The following SYT1 variants were observed in gnomAD, a reference collection of about 807,000 sequenced individuals.
SYT1 encodes the protein synaptotagmin-1.
SYT1 carries 8 observed loss-of-function variants against 44.8 expected under a neutral mutation model. That is an observed-to-expected ratio of 0.18 (90% CI 0.10 to 0.32). SYT1 has a LOEUF of 0.32. Among genes scored for constraint, SYT1 ranks in the 10% least tolerant of loss-of-function variants. SYT1 has a pLI of 1.00. For synonymous variants in SYT1, 154 were observed against 188.8 expected (o/e 0.82, Z 1.51); for missense variants, 286 against 509.3 (o/e 0.56, Z 4.22).
At chr12:79,027,980 G>A (rs945431073) in intron 2 of SYT1, among the ~76,000 whole-genome samples, 1 of 151,302 alleles carries the variant, frequency 6.6e-6, no homozygotes, top group African/African-American at 2.4e-5. Context: ...TCTTTATGCA[G>A]TCATATTATG....
In SYT1 at chr12:79,036,356, A is replaced by G. The variant is rs568348271; in HGVS notation, c.-83-10941A>G. 4 of 151,974 alleles carry G rather than the reference A, an allele frequency of 2.6e-5. No homozygotes were observed. In the East Asian group the frequency reaches 7.8e-4, roughly 30 times the overall value. The allele number at this position is 151,974 out of a possible 1,614,324, so 9.4% of individuals were successfully genotyped here. A position where few individuals can be genotyped will look rare whatever the true frequency, so the allele number is the denominator to read the frequency against. ...TCATGGAGGTGTCAGTAATTGCCAG[A>G]TGGGTATTGAATTAGCTCTTCATGG... On this transcript the variant is annotated intron_variant, in intron 2 of 10. Coordinates refer to ENST00000261205, the MANE Select transcript of SYT1 (RefSeq NM_005639.3).
At chr12:79,291,426 A>G (rs1879575034) in intron 5 of SYT1, among the ~76,000 whole-genome samples, 2 of 152,224 alleles carry the variant, frequency 1.3e-5, no homozygotes, top group African/African-American at 4.8e-5. Context: ...ACTTTTCTCT[A>G]AACACGGATT....
intron 4 of SYT1, among the ~76,000 whole-genome samples, chr12:79,278,325 C>T (rs1446407456): frequency 6.6e-6 from 1 of 152,064 alleles, no homozygotes; most frequent in African/African-American, 2.4e-5. Flanking sequence ...TCTCAGACCA[C>T]AGCAGAATAA....
At chr12:79,413,013 C>A (rs951040996) in intron 9 of SYT1, among the ~76,000 whole-genome samples, 2 of 152,116 alleles carry the variant, frequency 1.3e-5, no homozygotes, top group Non-Finnish European at 2.9e-5. Context: ...GAAAGAAGCT[C>A]ATGGGCTCAA....
intron 1 of SYT1, among the ~76,000 whole-genome samples, chr12:78,894,906 A>T (rs539582977): frequency 6.6e-6 from 1 of 151,782 alleles, no homozygotes; most frequent in Admixed American, 6.6e-5. Flanking sequence ...TAAAAAGTAG[A>T]TTTTAAGTGT....
At chr12:79,236,922 A>G (rs1876223609) in intron 4 of SYT1, among the ~76,000 whole-genome samples, 1 of 152,246 alleles carries the variant, frequency 6.6e-6, no homozygotes, top group Non-Finnish European at 1.5e-5. Flanking sequence ...GGCTGAGGTT[A>G]GACTTTATTT....
At chr12:79,214,152 T>A (rs1337026484) in intron 3 of SYT1, among the ~76,000 whole-genome samples, 1 of 152,218 alleles carries the variant, frequency 6.6e-6, no homozygotes, top group Non-Finnish European at 1.5e-5. Flanking sequence ...TTTGTCAGTA[T>A]ATTAGATCCT....
chr12:79,378,492 C>T (rs757825925), intron 9 of SYT1, among the ~76,000 whole-genome samples: 4 of 152,282 alleles, frequency 2.6e-5, no homozygotes, highest in African/African-American at 9.6e-5. Context: ...TAAAGAAAAT[C>T]GCTTTTAAAG....
intron 9 of SYT1, among the ~76,000 whole-genome samples, chr12:79,359,790 A>G (rs193081246): frequency 1.3e-4 from 20 of 152,246 alleles, no homozygotes; most frequent in Admixed American, 9.8e-4. Flanking sequence ...TAGAAATGTA[A>G]TTTGGGAAAT....
rs78964991 is a variant in SYT1 at position 78,987,954 on chromosome 12, A to C, written c.-84+10023A>C. On this transcript the variant is annotated intron_variant, in intron 2 of 10. Coordinates refer to ENST00000261205, the MANE Select transcript of SYT1 (RefSeq NM_005639.3). ...CTCAACAAAAGCCAGCCCATAAACC[A>C]TCCTGTCAGGTGAAAAGGTAATGGA... Among the ~76,000 whole-genome samples the C allele has an allele frequency of 3.1e-3, 465 of 152,118 alleles. 3 individuals are homozygous for C. Among genetic ancestry groups the C allele is most frequent in the African/African-American group, 0.011 (442 of 41,516 alleles).
chr12:79,132,296 A>C (rs546496069), intron 3 of SYT1, among the ~76,000 whole-genome samples: 103 of 152,192 alleles, frequency 6.8e-4, no homozygotes, highest in Non-Finnish European at 1.4e-3. Flanking sequence ...TAAACATACA[A>C]AAATTAGCCT....
At chr12:79,261,924 T>C (rs913749049) in intron 4 of SYT1, among the ~76,000 whole-genome samples, 2 of 152,186 alleles carry the variant, frequency 1.3e-5, no homozygotes, top group African/African-American at 4.8e-5. Flanking sequence ...TTTTATTATT[T>C]TACTCTCTTA....
intron 3 of SYT1, among the ~76,000 whole-genome samples, chr12:79,105,901 A>G (rs77892455): frequency 1.6e-4 from 23 of 140,526 alleles, no homozygotes; most frequent in African/African-American, 5.4e-4. Context: ...AAAAAAAAAA[A>G]GGCAATTTAA....
intron 3 of SYT1, among the ~76,000 whole-genome samples, chr12:79,143,013 C>T (rs982533326): frequency 6.6e-6 from 1 of 152,100 alleles, no homozygotes; most frequent in African/African-American, 2.4e-5. Flanking sequence ...ACTTCAAACC[C>T]TAGATTGTCT....
At chr12:79,201,987 T>C (rs1592848403) in intron 3 of SYT1, among the ~76,000 whole-genome samples, 1 of 152,180 alleles carries the variant, frequency 6.6e-6, no homozygotes, top group Non-Finnish European at 1.5e-5. Context: ...AATGACTTCA[T>C]ATCAGTGAAA....
At chr12:79,120,175 G>T (rs953632437) in intron 3 of SYT1, among the ~76,000 whole-genome samples, 5 of 152,070 alleles carry the variant, frequency 3.3e-5, no homozygotes, top group African/African-American at 9.7e-5. Context: ...CAGAATGTTC[G>T]TATGCGGCGA....
At chr12:78,914,771 AG>A (rs1169088811) in intron 1 of SYT1, among the ~76,000 whole-genome samples, 1 of 152,074 alleles carries the variant, frequency 6.6e-6, no homozygotes, top group African/African-American at 2.4e-5. Flanking sequence ...TCTGAATTCA[AG>A]AATATTATTT....
intron 9 of SYT1, among the ~76,000 whole-genome samples, chr12:79,442,853 C>T (rs1171598348): frequency 6.6e-6 from 1 of 152,086 alleles, no homozygotes; most frequent in Non-Finnish European, 1.5e-5. Flanking sequence ...ATTTGAAAGG[C>T]TTCGCAGTAG....
intron 8 of SYT1, among the ~76,000 whole-genome samples, chr12:79,302,122 T>C (rs1028152143): frequency 6.6e-6 from 1 of 152,226 alleles, no homozygotes; most frequent in East Asian, 1.9e-4. Context: ...AGTTTTATGA[T>C]TTTAAAGAAA....
Sources: gnomAD v4.1 joint callset for allele counts (sites outside exome capture counted in the v4.1 genomes callset) on GRCh38, gnomAD v4.1.1 for gene constraint, MANE v1.5 for transcripts, NCBI Gene and HGNC (gene_info 2026-07-23, HGNC 2026-07-21) for gene names.